CCN6: variants seen among roughly 807,000 people sequenced by gnomAD.
The protein encoded by CCN6 is CCN family member 6.
In CCN6, 31 loss-of-function variants were observed where a neutral mutation model predicts 37.4. That is an observed-to-expected ratio of 0.83 (90% CI 0.62 to 1.12). The LOEUF (loss-of-function observed/expected upper bound fraction) is 1.12. CCN6 is among the 50% of genes most tolerant of loss of function. The pLI, the probability that CCN6 is intolerant of heterozygous loss-of-function variation, is 0.00. For synonymous variants in CCN6, 137 were observed against 142.1 expected, an observed-to-expected ratio of 0.96 and a Z score of 0.26; for missense variants, 369 against 413.8, an observed-to-expected ratio of 0.89 and a Z score of 0.94.
rs180713013 is a variant in CCN6, at chr6:112,059,769, T to C, written c.49-1222T>C. ...CTATGAAGTTTGATTGAAATAACCA[T>C]GTAAAGTGATTTATAAAGATGGCAG... On this transcript the variant is annotated intron_variant, in intron 1 of 4. Transcript: ENST00000368666. Among the ~76,000 whole-genome samples the C allele has an allele frequency of 7.2e-5, 11 of 152,282 alleles. No homozygotes were observed. In the East Asian group the frequency reaches 1.9e-3, roughly 27 times the overall value.
chr6:112,060,895 A>G, intron 1 of CCN6, 96 bp from the exon 2 acceptor site: 2 of 1,420,802 alleles, frequency 1.4e-6, no homozygotes, highest in Non-Finnish European at 2.0e-6. Flanking sequence ...GTAACTCACC[A>G]CTCTGTATAC....
At chr6:112,057,133 A>G (rs1461946162) in intron 1 of CCN6, among the ~76,000 whole-genome samples, 3 of 152,196 alleles carry the variant, frequency 2.0e-5, no homozygotes, top group Admixed American at 6.5e-5. Flanking sequence ...GAACACATGA[A>G]AAAGCAGGGA....
At chr6:112,068,648 A>G (rs1554314570) in intron 4 of CCN6, among the ~76,000 whole-genome samples, 1 of 152,176 alleles carries the variant, frequency 6.6e-6, no homozygotes, top group East Asian at 1.9e-4. Context: ...TGGTTGCTAC[A>G]CTATAATTAT....
intron 3 of CCN6, among the ~76,000 whole-genome samples, chr6:112,065,610 GCACA>G (rs782694395): frequency 2.8e-5 from 4 of 141,126 alleles, no homozygotes; most frequent in African/African-American, 1.1e-4. Context: ...AAACACACAC[GCACA>G]CACACACGCA....
At chr6:112,061,309 C>T in intron 2 of CCN6, 21 bp downstream of exon 2, 2 of 1,614,010 alleles carry the variant, frequency 1.2e-6, no homozygotes, top group Non-Finnish European at 1.7e-6. Context: ...TCTTCTGGAC[C>T]TGCTGGAAAA....
At chr6:112,060,137 G>A in intron 1 of CCN6, 1 of 1,339,618 alleles carries the variant, frequency 7.5e-7, no homozygotes. Flanking sequence ...GGGACCACAG[G>A]ATGCAGGGCC....
chr6:112,063,159 T>G (rs1236009151), intron 2 of CCN6, among the ~76,000 whole-genome samples: 2 of 152,356 alleles, frequency 1.3e-5, no homozygotes, highest in East Asian at 3.9e-4. Context: ...AATCTGTTAC[T>G]ATGTGTTTTT....
intron 1 of CCN6, chr6:112,060,090 G>C: frequency 7.3e-7 from 1 of 1,363,518 alleles, no homozygotes; most frequent in Non-Finnish European, 9.8e-7. Flanking sequence ...AGGCAGCAAG[G>C]GGGTGAGTGG....
At chr6:112,059,337 G>C (rs1554312321) in intron 1 of CCN6, among the ~76,000 whole-genome samples, 1 of 152,188 alleles carries the variant, frequency 6.6e-6, no homozygotes. Flanking sequence ...GTCCAAAAAT[G>C]GGTCTTACAG....
chr6:112,068,466 T>G (rs1776768146), intron 4 of CCN6, 68 bp downstream of exon 4: 2 of 1,406,176 alleles, frequency 1.4e-6, no homozygotes, highest in South Asian at 2.6e-5. Context: ...ATGTGTGTGT[T>G]TTGGAGGGTG....
chr6:112,064,994 C>G lies in CCN6; in HGVS notation c.586C>G (p.Pro196Ala). Residue 196 changes from proline to alanine, a missense_variant, in exon 3 of 5, where the codon CCA becomes GCA. By Grantham distance (27) the Pro-to-Ala change is conservative. Coordinates refer to ENST00000368666, the MANE Select transcript of CCN6 (RefSeq NM_198239.2). ...QQLSTSYKTM[P>A]AYRNLPLIWK... ...GCTTTCAACAAGCTACAAAACAATG[C>G]CAGGTGCTCAGAAGTAGAGCTATTT... The G allele has an allele frequency of 6.2e-7, 1 of 1,613,892 alleles. No homozygotes were observed. The highest frequency in any genetic ancestry group is 1.3e-5 in the African/African-American group (1 of 75,006).
At chr6:112,056,045 C>T (rs1554311714) in intron 1 of CCN6, among the ~76,000 whole-genome samples, 2 of 152,200 alleles carry the variant, frequency 1.3e-5, no homozygotes, top group African/African-American at 4.8e-5. Flanking sequence ...CTTATTCTTT[C>T]TATTGCACCA....
chr6:112,065,588 GCACACA>G (rs66974002), intron 3 of CCN6, among the ~76,000 whole-genome samples: 1 of 107,634 alleles, frequency 9.3e-6, no homozygotes, highest in Non-Finnish European at 1.9e-5. Flanking sequence ...ACACACACAC[GCACACA>G]CACACAAACA....
chr6:112,054,008 G>A (rs1270366553), upstream of CCN6: 4 of 465,442 alleles, frequency 8.6e-6, no homozygotes, highest in South Asian at 2.1e-5. Context: ...GTTGTCGGGG[G>A]CAGGCTCTGC....
At chr6:112,069,238 T>C in intron 4 of CCN6, 101 bp from the exon 5 acceptor site, 2 of 1,346,806 alleles carry the variant, frequency 1.5e-6, no homozygotes, top group Middle Eastern at 2.3e-4. Flanking sequence ...CTTTTATTAA[T>C]GCCTCCAAAT....
intron 3 of CCN6, among the ~76,000 whole-genome samples, chr6:112,065,239 G>T (rs1554313703): frequency 6.6e-6 from 1 of 152,106 alleles, no homozygotes; most frequent in African/African-American, 2.4e-5. Context: ...GATCTACTAG[G>T]TCAGGAAGCT....
At chr6:112,059,255 TTG>T (rs1198635855) in intron 1 of CCN6, among the ~76,000 whole-genome samples, 1 of 152,226 alleles carries the variant, frequency 6.6e-6, no homozygotes, top group Non-Finnish European at 1.5e-5. Context: ...CAGTTTCCTA[TTG>T]CTGCTGTAAG....
rs121908901 is a variant in CCN6 at position 112,061,098 on chromosome 6, C to A, written c.156C>A (p.Cys52Ter). 2.4e-5 allele frequency: 38 copies of A among 1,614,052 alleles called. No homozygotes were observed. Among genetic ancestry groups the A allele is most frequent in the Middle Eastern group, 1.6e-4 (1 of 6,084 alleles). The change falls in exon 2 of 5, where the codon TGC (cysteine) becomes TGA (stop). Residue 52 changes from cysteine to a stop codon, truncating the protein, a stop_gained. Transcript: ENST00000368666. LOFTEE classifies it high-confidence loss of function. ...GTAAACAGTTTTGTCACTGGCCCTG[C>A]AAATGCCCTCAGCAGAAGCCCCGTT... ...PQRKQFCHWP[C>*]KCPQQKPRCP...
chr6:112,063,262 A>G lies in CCN6; in HGVS notation c.347-1493A>G, dbSNP rs1367416078. ...TAACAGGCTTTTCAGATCATTGTGT[A>G]TATACTTTTATGTTTATTGATATTA... On this transcript the variant is annotated intron_variant, in intron 2 of 4. Transcript: ENST00000368666. Among the ~76,000 whole-genome samples, 5 of 152,216 alleles carry G rather than the reference A, an allele frequency of 3.3e-5. No individual in the cohort carries two copies. The East Asian group carries it at 5.8e-4, about 18-fold the overall frequency.
Sources: gnomAD v4.1 joint callset for allele counts (sites outside exome capture counted in the v4.1 genomes callset) on GRCh38, gnomAD v4.1.1 for gene constraint, MANE v1.5 for transcripts, NCBI Gene and HGNC (gene_info 2026-07-23, HGNC 2026-07-21) for gene names.